TRPM8: variants seen among roughly 807,000 people sequenced by gnomAD.
TRPM8 encodes transient receptor potential cation channel subfamily M member 8.
Under a neutral mutation model 133.7 loss-of-function variants are expected in TRPM8, and 110 were observed. The ratio of observed to expected loss-of-function variants is 0.82; its 90% CI spans 0.70 to 0.96. TRPM8 has a LOEUF of 0.96. TRPM8 is among the 40% of genes least tolerant of loss of function. The pLI is 0.00. For synonymous variants in TRPM8, 535 were observed against 532.3 expected (o/e 1.01, Z -0.07); for missense variants, 1,291 against 1,379.5 (o/e 0.94, Z 1.02).
rs182575840 is a variant in TRPM8, at chr2:234,018,020, T to C, written c.*764T>C. Reference sequence around the variant, plus strand: ...CATTAAAAATAATAGCTGGCTATTATAGAAAATTTAGACCATACAGAGATG... The same window carrying C: ...CATTAAAAATAATAGCTGGCTATTACAGAAAATTTAGACCATACAGAGATG... On this transcript the variant is annotated 3_prime_UTR_variant, in exon 26 of 26. Transcript: ENST00000324695. 2 of 152,308 alleles carry C rather than the reference T, an allele frequency of 1.3e-5. No individual in the cohort carries two copies. Among genetic ancestry groups the C allele is most frequent in the Admixed American group, 1.3e-4 (2 of 15,286 alleles). The allele number at this position is 152,308 out of a possible 1,614,324, so 9.4% of individuals were successfully genotyped here.
At chr2:233,927,771 TTTCTTTC>T (rs1691561279) in intron 2 of TRPM8, among the ~76,000 whole-genome samples, 1 of 61,660 alleles carries the variant, frequency 1.6e-5, no homozygotes, top group South Asian at 6.5e-4. Flanking sequence ...TCTTTCTTTC[TTTCTTTC>T]TTTCTTTCTT....
intron 21 of TRPM8, among the ~76,000 whole-genome samples, chr2:233,993,992 T>G (rs550843077): frequency 1.3e-5 from 2 of 152,228 alleles, no homozygotes; most frequent in Non-Finnish European, 2.9e-5. Context: ...AGAGCATCTA[T>G]TTCTTTTTTG....
In TRPM8 at chr2:233,963,315, GCT is replaced by G. The variant is rs1305951069; in HGVS notation, c.1692_1693del (p.Phe565HisfsTer8). 6.2e-7 allele frequency: 1 copy of G among 1,613,326 alleles called. No individual in the cohort carries two copies. The highest frequency in any genetic ancestry group is 1.3e-5 in the African/African-American group (1 of 74,878). The part of the protein sequence containing the change: ...VSPITRHPLQ[A>X]LFIWAILQNK... ...TCCTATTACTCGGCACCCCCTGCAA[GCT>G]CTCTTCATCTGGGCCATTCTTCAGA... On this transcript the variant is annotated frameshift_variant, in exon 13 of 26. Transcript: ENST00000324695. LOFTEE classifies it high-confidence loss of function.
intron 4 of TRPM8, 68 bp downstream of exon 4, chr2:233,937,577 C>T (rs1282288210): frequency 3.3e-6 from 5 of 1,533,634 alleles, no homozygotes; most frequent in East Asian, 2.3e-5. Flanking sequence ...CCTTGATTTA[C>T]TTGGAATTGT....
At chr2:233,944,448 G>A (rs1690993403) in intron 6 of TRPM8, among the ~76,000 whole-genome samples, 1 of 152,204 alleles carries the variant, frequency 6.6e-6, no homozygotes, top group Non-Finnish European at 1.5e-5. Flanking sequence ...GAATGGGAAT[G>A]AGAAAAGACT....
intron 17 of TRPM8, among the ~76,000 whole-genome samples, chr2:233,972,506 C>G (rs867745916): frequency 6.6e-6 from 1 of 152,230 alleles, no homozygotes. Flanking sequence ...GGACTGGGCG[C>G]CATGGAGCAG....
rs28902175 is a variant in TRPM8 at position 233,963,005 on chromosome 2, C to A, written c.1654-277C>A. On this transcript the variant is annotated intron_variant, in intron 12 of 25. Coordinates refer to ENST00000324695, the MANE Select transcript of TRPM8 (RefSeq NM_024080.5). ...AAGGAATTGCCTTCTGTCAGCCTGT[C>A]AGGAGTCATTCAGTTTTCAAATTGC... Among the ~76,000 whole-genome samples the A allele has an allele frequency of 4.4e-4, 67 of 152,302 alleles. 1 individual carries two copies. The highest frequency in any genetic ancestry group is 1.5e-3 in the African/African-American group (62 of 41,570).
Position 233,964,662 on chromosome 2 carries a change from G to A in TRPM8, c.1784G>A (p.Ser595Asn). Residue 595 changes from serine to asparagine, a missense_variant, in exon 14 of 26, where the codon AGC (serine) becomes AAC (asparagine). Physicochemically the swap from Ser to Asn is conservative, Grantham distance 46. Coordinates refer to ENST00000324695, the MANE Select transcript of TRPM8 (RefSeq NM_024080.5). ...TGCACTCTGGCAGCCCTGGGAGCCAGCAAGCTTCTGAAGACTCTGGCCAAA... is the reference window on the plus strand; with the variant it reads ...TGCACTCTGGCAGCCCTGGGAGCCAACAAGCTTCTGAAGACTCTGGCCAAA... ...RGCTLAALGA[S>N]KLLKTLAKVK... 6.2e-7 allele frequency: 1 copy of A among 1,607,478 alleles called. No individual in the cohort carries two copies. Among genetic ancestry groups the A allele is most frequent in the Non-Finnish European group, 8.5e-7 (1 of 1,175,738 alleles).
At chr2:233,950,938 T>C (rs1255319343) in intron 9 of TRPM8, among the ~76,000 whole-genome samples, 1 of 152,200 alleles carries the variant, frequency 6.6e-6, no homozygotes, top group Admixed American at 6.5e-5. Flanking sequence ...CAATGACTCA[T>C]GTCTGTAATC....
intron 17 of TRPM8, 61 bp downstream of exon 17, chr2:233,970,487 GC>G: frequency 1.3e-6 from 2 of 1,494,606 alleles, no homozygotes; most frequent in Admixed American, 3.4e-5. Context: ...TCTTTCTAAA[GC>G]CAAGAGGAAT....
chr2:233,930,504 A>G (rs888993343), intron 2 of TRPM8, among the ~76,000 whole-genome samples, 164 bp from the exon 3 acceptor site: 1 of 152,226 alleles, frequency 6.6e-6, no homozygotes, highest in African/African-American at 2.4e-5. Context: ...TCTTTAAAAA[A>G]AATTTTGTAT....
chr2:233,926,501 C>A, intron 1 of TRPM8, 32 bp from the exon 2 acceptor site: 1 of 1,553,552 alleles, frequency 6.4e-7, no homozygotes, highest in Non-Finnish European at 8.9e-7. Context: ...CTGTTTGTAA[C>A]CCAAACTTAT....
Position 233,955,214 on chromosome 2 carries a change from C to T in TRPM8, c.1326C>T (p.Ala442=). Residue 442 remains alanine (A), a synonymous_variant, in exon 11 of 26, where the codon GCC becomes GCT. Coordinates refer to ENST00000324695, the MANE Select transcript of TRPM8 (RefSeq NM_024080.5). ...TGGAGTGGAACCAGCTGGACTTAGC[C>T]AATGATGAGATTTTCACCAATGACC... ...LLLEWNQLDL[A]NDEIFTNDRR... 6.2e-7 allele frequency: 1 copy of T among 1,614,108 alleles called. No homozygotes were observed. The highest frequency in any genetic ancestry group is 1.1e-5 in the South Asian group (1 of 91,064).
At chr2:233,959,536 C>T in intron 11 of TRPM8, among the ~76,000 whole-genome samples, 1 of 151,872 alleles carries the variant, frequency 6.6e-6, no homozygotes, top group East Asian at 1.9e-4. Context: ...ATCTCAAACT[C>T]CTGACCTCAA....
At chr2:233,954,269 C>T (rs1691238357) in intron 10 of TRPM8, among the ~76,000 whole-genome samples, 1 of 152,112 alleles carries the variant, frequency 6.6e-6, no homozygotes, top group Non-Finnish European at 1.5e-5. Context: ...CAGTAGTCTC[C>T]AAAGAGCTAT....
intron 6 of TRPM8, among the ~76,000 whole-genome samples, chr2:233,945,349 C>G (rs183789042): frequency 6.6e-6 from 1 of 152,100 alleles, no homozygotes; most frequent in Non-Finnish European, 1.5e-5. Context: ...TGTTGCTATG[C>G]GCTTCTCAAG....
intron 11 of TRPM8, among the ~76,000 whole-genome samples, chr2:233,955,780 G>T (rs1464514771): frequency 8.5e-5 from 13 of 152,148 alleles, no homozygotes; most frequent in African/African-American, 2.4e-4. Context: ...TCCATGGCCT[G>T]TTAGGAACAA....
At position 233,942,743 on chromosome 2, in the gene TRPM8, G is replaced by A; in HGVS notation, c.694G>A (p.Ala232Thr). 1 of 1,614,092 alleles carries A rather than the reference G, an allele frequency of 6.2e-7. No individual in the cohort carries two copies. The highest frequency in any genetic ancestry group is 8.5e-7 in the Non-Finnish European group (1 of 1,180,036). ...NRDTLIRNCDAEGYFLAQYLM... is the reference protein window; with the variant it reads ...NRDTLIRNCDTEGYFLAQYLM... ...GGACACCCTCATCAGGAATTGCGAT[G>A]CTGAGGTACCGGTGGGACAGGAGGA... is the stretch of plus-strand genomic sequence containing the variant. The change falls in exon 6 of 26, where the codon GCT becomes ACT. Residue 232 changes from alanine (A) to threonine (T), a missense_variant. Physicochemically the swap from Ala to Thr is moderately conservative, Grantham distance 58. This residue lies in a region of TRPM8 where 963 missense variants were observed against 968.9 expected (regional missense o/e 0.99). Coordinates refer to ENST00000324695, the MANE Select transcript of TRPM8 (RefSeq NM_024080.5).
At position 233,964,614 on chromosome 2, in the gene TRPM8, A is replaced by AC. The variant is rs764292285; in HGVS notation, c.1750-8dup. 6 of 1,479,158 alleles carry AC rather than the reference A, an allele frequency of 4.1e-6. No individual in the cohort carries two copies. The highest frequency in any genetic ancestry group is 4.5e-5 in the Admixed American group (2 of 44,074). 91.6% of individuals were successfully genotyped at this position (1,479,158 alleles called of 1,614,324 possible). ...AAAAGAATTAACCTTAAAATTCTTC[A>AC]CCCCCCTAAAAAGACCAGGGGCTGC... is the stretch of plus-strand genomic sequence containing the variant. On this transcript the variant is annotated splice_polypyrimidine_tract_variant and intron_variant, in intron 13 of 25. Coordinates refer to ENST00000324695, the MANE Select transcript of TRPM8 (RefSeq NM_024080.5).
Sources: gnomAD v4.1 joint callset for allele counts (sites outside exome capture counted in the v4.1 genomes callset) on GRCh38, gnomAD v4.1.1 for gene constraint, gnomAD v4.1.1 regional missense constraint, MANE v1.5 for transcripts, NCBI Gene and HGNC (gene_info 2026-07-23, HGNC 2026-07-21) for gene names.